The following TSPEAR variants were observed in gnomAD, a reference collection of about 807,000 sequenced individuals.
TSPEAR encodes the protein thrombospondin type laminin G domain and EAR repeats.
TSPEAR carries 69 observed loss-of-function variants against 71.6 expected under a neutral mutation model. That is an observed-to-expected ratio of 0.96 (90% CI 0.79 to 1.18). The LOEUF is 1.18. TSPEAR is among the 50% of genes most tolerant of loss of function. The probability of loss-of-function intolerance (pLI) is 0.00; values close to 1 mark genes in which losing one functional copy is unlikely to be tolerated. For missense variants in TSPEAR, 971 were observed against 894.9 expected, an observed-to-expected ratio of 1.09 and a Z score of -1.09; for synonymous variants, 402 against 387.2, an observed-to-expected ratio of 1.04 and a Z score of -0.45.
In TSPEAR at chr21:44,593,120, G is replaced by C. The variant is rs1555927163; in HGVS notation, c.83-25115C>G. On this transcript the variant is annotated intron_variant, in intron 1 of 11. Transcript: ENST00000323084. This position sits in a 1 kb window ranked among gnomAD's most constrained non-coding sequence, Gnocchi z 5.9. Reference sequence around the variant, plus strand: ...GTTTTGGAGGCAGCAGGACCTGTGTGTTCCAGGGCAAGGACGGTGGGCTTG... The same window carrying C: ...GTTTTGGAGGCAGCAGGACCTGTGTCTTCCAGGGCAAGGACGGTGGGCTTG... 6.6e-6 allele frequency among the ~76,000 whole-genome samples: 1 copy of C among 152,232 alleles called. No homozygotes were observed. Among genetic ancestry groups the C allele is most frequent in the African/African-American group, 2.4e-5 (1 of 41,468 alleles).
intron 1 of TSPEAR, among the ~76,000 whole-genome samples, chr21:44,651,986 T>C (rs1255402088): frequency 4.9e-5 from 5 of 101,032 alleles, no homozygotes; most frequent in Admixed American, 1.0e-4. Context: ...TTTCTTTTTT[T>C]TTTTTTTTTT....
At position 44,504,826 on chromosome 21, in the gene TSPEAR, T is replaced by C; in HGVS notation, c.1810A>G (p.Asn604Asp). The C allele has an allele frequency of 3.1e-6, 5 of 1,613,442 alleles. No homozygotes were observed. Among genetic ancestry groups the C allele is most frequent in the Non-Finnish European group, 3.4e-6 (4 of 1,179,854 alleles). Residue 604 changes from asparagine to aspartate, a missense_variant, in exon 11 of 12, where the codon AAC becomes GAC. Coordinates refer to ENST00000323084, the MANE Select transcript of TSPEAR (RefSeq NM_144991.3). ...VGEDYFLVVA[N>D]SFDGRTFSVN... ...GAGAAGGTACGCCCATCGAAGGAGTTGGCCACCACCAGGAAATAATCTTCT... is the reference window on the plus strand; with the variant it reads ...GAGAAGGTACGCCCATCGAAGGAGTCGGCCACCACCAGGAAATAATCTTCT...
intron 1 of TSPEAR, chr21:44,666,445 C>G: frequency 6.4e-7 from 1 of 1,573,582 alleles, no homozygotes; most frequent in East Asian, 2.2e-5. Flanking sequence ...GAGATTCATG[C>G]TCAGCAGCAG....
intron 1 of TSPEAR, chr21:44,575,074 C>T (rs1978342990): frequency 6.7e-7 from 1 of 1,484,130 alleles, no homozygotes. Context: ...CACCTGAAAG[C>T]TGATAGTCGC....
chr21:44,564,961 T>C (rs868953445), intron 2 of TSPEAR, among the ~76,000 whole-genome samples: 1 of 151,398 alleles, frequency 6.6e-6, no homozygotes, highest in African/African-American at 2.4e-5. Context: ...AAAATAAAAT[T>C]AGAAATCAAT....
rs76217969 is a variant in TSPEAR at position 44,641,069 on chromosome 21, C to T, written c.82+70364G>A. On this transcript the variant is annotated intron_variant, in intron 1 of 11. Coordinates refer to ENST00000323084, the MANE Select transcript of TSPEAR (RefSeq NM_144991.3). ...GCCCCCCTCATCAGAGCCCCAGCAT[C>T]AGCTCTGGATGCAGAATATGTGTAT... 5.9e-3 allele frequency among the ~76,000 whole-genome samples: 900 copies of T among 152,314 alleles called. 4 individuals are homozygous for T. The highest frequency in any genetic ancestry group is 0.021 in the African/African-American group (864 of 41,558).
At chr21:44,528,802 T>C (rs2052908640) in intron 5 of TSPEAR, among the ~76,000 whole-genome samples, 1 of 152,216 alleles carries the variant, frequency 6.6e-6, no homozygotes, top group Non-Finnish European at 1.5e-5. Flanking sequence ...GCCCCCTATA[T>C]GGTCAGCCCA....
intron 1 of TSPEAR, among the ~76,000 whole-genome samples, chr21:44,704,834 C>A (rs566763434): frequency 6.6e-6 from 1 of 152,150 alleles, no homozygotes; most frequent in African/African-American, 2.4e-5. Context: ...CGTCACGGCC[C>A]CGGCACGCCA....
intron 1 of TSPEAR, chr21:44,575,362 A>G (rs1978365189): frequency 3.4e-6 from 1 of 295,556 alleles, no homozygotes. Flanking sequence ...TGAGACTGCA[A>G]TGGCGCTGAC....
chr21:44,538,577 TA>T (rs72562328), intron 2 of TSPEAR, among the ~76,000 whole-genome samples: 31,135 of 151,994 alleles, frequency 0.2, 3,338 homozygotes, highest in South Asian at 0.35. Context: ...GCATTGCTGC[TA>T]AAACGGGCAG....
intron 1 of TSPEAR, chr21:44,591,444 G>A (rs1555926509): frequency 1.9e-6 from 3 of 1,613,812 alleles, no homozygotes; most frequent in Non-Finnish European, 8.5e-7. Context: ...GGGAGCACAT[G>A]GGGCGGCAGA....
chr21:44,578,921 G>A (rs1978660874), intron 1 of TSPEAR, among the ~76,000 whole-genome samples: 1 of 152,160 alleles, frequency 6.6e-6, no homozygotes, highest in African/African-American at 2.4e-5. Context: ...GCCCCCAGAG[G>A]AGGGCCTGGG....
intron 2 of TSPEAR, chr21:44,540,206 C>G (rs2053194333): frequency 6.3e-7 from 1 of 1,587,616 alleles, no homozygotes; most frequent in African/African-American, 1.3e-5. Context: ...GTGTGGGAGT[C>G]AGTGTGTGTG....
In TSPEAR at chr21:44,705,089, G is replaced by A. The variant is rs562635371; in HGVS notation, c.82+6344C>T. 5.1e-4 allele frequency among the ~76,000 whole-genome samples: 78 copies of A among 152,360 alleles called. 3 individuals carry two copies. The South Asian group carries it at 0.016, about 31-fold the overall frequency. On this transcript the variant is annotated intron_variant, in intron 1 of 11. Coordinates refer to ENST00000323084, the MANE Select transcript of TSPEAR (RefSeq NM_144991.3). ...ACCATGGCAGAAGAACGTGGATTGT[G>A]AAGATTTTATGGACATTTATTAGTT... is the stretch of plus-strand genomic sequence containing the variant.
Position 44,558,575 on chromosome 21 carries a change from G to A in TSPEAR, c.303+9210C>T, listed in dbSNP as rs587628161. 91 of 1,612,214 alleles carry A rather than the reference G, an allele frequency of 5.6e-5. No homozygotes were observed. The East Asian group carries it at 8.5e-4, about 15-fold the overall frequency. Reference sequence around the variant, plus strand: ...GGCTGGACACACAGCTCACTGGGGTGCAGACCAGGGTCAGGCAGGGGGCCG... The same window carrying A: ...GGCTGGACACACAGCTCACTGGGGTACAGACCAGGGTCAGGCAGGGGGCCG... On this transcript the variant is annotated intron_variant, in intron 2 of 11. Transcript: ENST00000323084.
In TSPEAR at chr21:44,508,589, C is replaced by T. The variant is rs587686731; in HGVS notation, c.1754+610G>A. 2.3e-5 allele frequency: 27 copies of T among 1,176,698 alleles called. No individual in the cohort carries two copies. The African/African-American group carries it at 4.3e-4, about 19-fold the overall frequency. The allele number at this position is 1,176,698 out of a possible 1,614,324, so 72.9% of individuals were successfully genotyped here. On this transcript the variant is annotated intron_variant, in intron 10 of 11. Transcript: ENST00000323084. The stretch of plus-strand genomic sequence containing the variant: ...ACACTGGTCAGGATGGTTGTGGATT[C>T]TCAGTGCCCACTGTCCAAAATGTGG...
At chr21:44,499,996 C>T in intron 11 of TSPEAR, 60 bp from the exon 12 acceptor site, 1 of 1,512,378 alleles carries the variant, frequency 6.6e-7, no homozygotes, top group African/African-American at 1.4e-5. Context: ...CTCCTCTCCC[C>T]CGGCTCCCAC....
intron 2 of TSPEAR, among the ~76,000 whole-genome samples, chr21:44,534,907 T>C (rs2053062136): frequency 6.6e-6 from 1 of 152,322 alleles, no homozygotes; most frequent in East Asian, 1.9e-4. Context: ...GTAAACGCAG[T>C]GTGGTCCAAC....
chr21:44,539,704 A>G (rs587639365), intron 2 of TSPEAR: 47 of 1,595,274 alleles, frequency 2.9e-5, no homozygotes, highest in Admixed American at 1.2e-4. Flanking sequence ...CATAGCACAC[A>G]GGCTTGCAGC....
Sources: gnomAD v4.1 joint callset for allele counts (sites outside exome capture counted in the v4.1 genomes callset) on GRCh38, gnomAD v4.1.1 for gene constraint, Gnocchi (gnomAD v3.1) non-coding constraint, MANE v1.5 for transcripts, NCBI Gene and HGNC (gene_info 2026-07-23, HGNC 2026-07-21) for gene names.